Variants in SYT16 observed in about 807,000 individuals in gnomAD.
The protein encoded by SYT16 is synaptotagmin 16, also known as synaptotagmin-16.
A neutral mutation model predicts 61.4 loss-of-function variants in SYT16; 42 were observed. The observed-to-expected ratio is 0.68, with a 90% CI of 0.53 to 0.89. The LOEUF (loss-of-function observed/expected upper bound fraction) is 0.89, where lower values mean the gene tolerates loss of function less well. SYT16 is among the 40% of genes least tolerant of loss of function. SYT16 has a pLI of 0.00. For synonymous variants in SYT16, 314 were observed against 302.3 expected (o/e 1.04, Z -0.40); for missense variants, 804 against 807.3 (o/e 1.00, Z 0.05).
At chr14:61,914,217 A>G (rs1461646489) in intron 1 of SYT16, among the ~76,000 whole-genome samples, 3 of 152,162 alleles carry the variant, frequency 2.0e-5, no homozygotes, top group Non-Finnish European at 4.4e-5. Context: ...ACTCAGGACC[A>G]AGCAAAGTTT....
chr14:61,827,766 C>T (rs2045816325), intron 1 of SYT16, among the ~76,000 whole-genome samples: 1 of 152,068 alleles, frequency 6.6e-6, no homozygotes, highest in African/African-American at 2.4e-5. Context: ...ACATACTGAA[C>T]TTCTGTCTAC....
At chr14:61,910,653 C>T (rs765866509) in intron 1 of SYT16, among the ~76,000 whole-genome samples, 1 of 151,942 alleles carries the variant, frequency 6.6e-6, no homozygotes, top group East Asian at 1.9e-4. Context: ...CTCAGCCTCC[C>T]GAGTAGCTGG....
At chr14:62,015,749 C>G (rs1223140732) in intron 3 of SYT16, among the ~76,000 whole-genome samples, 4 of 152,170 alleles carry the variant, frequency 2.6e-5, no homozygotes, top group Non-Finnish European at 5.9e-5. Flanking sequence ...AGTTGGCCTT[C>G]ATGGGACACT....
At chr14:62,005,091 G>C (rs73262208) in intron 3 of SYT16, among the ~76,000 whole-genome samples, 3,801 of 152,240 alleles carry the variant, frequency 0.025, 168 homozygotes, top group African/African-American at 0.085. Context: ...GGCATGCCTT[G>C]TGAGAGTATT....
At chr14:61,847,300 A>T (rs2046473301) in intron 1 of SYT16, among the ~76,000 whole-genome samples, 1 of 152,118 alleles carries the variant, frequency 6.6e-6, no homozygotes, top group Admixed American at 6.6e-5. Flanking sequence ...TTTATCTTTG[A>T]AGGATATTTT....
At chr14:62,084,921 C>A (rs1202708644) in intron 7 of SYT16, among the ~76,000 whole-genome samples, 1 of 152,124 alleles carries the variant, frequency 6.6e-6, no homozygotes, top group Non-Finnish European at 1.5e-5. Flanking sequence ...CATTTAGTAC[C>A]ATGCCTATCA....
chr14:61,877,956 C>A (rs1338048902), intron 1 of SYT16, among the ~76,000 whole-genome samples: 7 of 152,194 alleles, frequency 4.6e-5, no homozygotes, highest in Admixed American at 1.3e-4. Flanking sequence ...CCCAGGCACA[C>A]AGGCACACAC....
chr14:61,812,597 G>C (rs1299613415), upstream of SYT16: 1 of 149,154 alleles, frequency 6.7e-6, no homozygotes, highest in Non-Finnish European at 1.5e-5. Context: ...CTCTCAGGAC[G>C]CCGGCGGCGG....
In SYT16 at chr14:62,108,489, G is replaced by A. The variant is rs930846236; in HGVS notation, c.*7782G>A. On this transcript the variant is annotated 3_prime_UTR_variant, in exon 8 of 8. Coordinates refer to ENST00000683842, the MANE Select transcript of SYT16 (RefSeq NM_001367656.1). Reference sequence around the variant, plus strand: ...TTATTTTAAGATAGTTGCATTCTAGGACCATGTTTCTTTTTTGAGAGTGTT... The same window carrying A: ...TTATTTTAAGATAGTTGCATTCTAGAACCATGTTTCTTTTTTGAGAGTGTT... 6 of 152,096 alleles carry A rather than the reference G, an allele frequency of 3.9e-5. No individual in the cohort carries two copies. Among genetic ancestry groups the A allele is most frequent in the Non-Finnish European group, 8.8e-5 (6 of 68,012 alleles). The allele number at this position is 152,096 out of a possible 1,614,324, so 9.4% of individuals were successfully genotyped here. A position where few individuals can be genotyped will look rare whatever the true frequency, so the allele number is the denominator to read the frequency against.
chr14:62,059,701 T>C (rs146275259), intron 3 of SYT16, among the ~76,000 whole-genome samples: 2,956 of 123,900 alleles, frequency 0.024, 50 homozygotes, highest in South Asian at 0.048. Flanking sequence ...TGTATATATA[T>C]ACATATAATT....
At chr14:61,877,357 AAC>A (rs1008410453) in intron 1 of SYT16, among the ~76,000 whole-genome samples, 1 of 152,162 alleles carries the variant, frequency 6.6e-6, no homozygotes, top group Non-Finnish European at 1.5e-5. Flanking sequence ...GGGAGGCAGA[AAC>A]ACAGATCTTT....
intron 3 of SYT16, among the ~76,000 whole-genome samples, chr14:62,052,639 C>T (rs1242262399): frequency 1.3e-5 from 2 of 152,166 alleles, no homozygotes; most frequent in Admixed American, 6.5e-5. Flanking sequence ...TTTCTTAAAA[C>T]CATAATCCTG....
Position 61,995,889 on chromosome 14 carries a change from G to C in SYT16, c.-131G>C. 1.1e-6 allele frequency: 1 copy of C among 906,976 alleles called. No individual in the cohort carries two copies. Among genetic ancestry groups the C allele is most frequent in the South Asian group, 2.3e-5 (1 of 42,650 alleles). 56.2% of individuals were successfully genotyped at this position (906,976 alleles called of 1,614,324 possible). A position where few individuals can be genotyped will look rare whatever the true frequency, so the allele number is the denominator to read the frequency against. On this transcript the variant is annotated 5_prime_UTR_variant, in exon 3 of 8. Transcript: ENST00000683842. ...CCTCTGTTTCAGCTGGAAGTTTTGAGAGTGAAATATTCACAGCCATTAAGA... is the reference window on the plus strand; with the variant it reads ...CCTCTGTTTCAGCTGGAAGTTTTGACAGTGAAATATTCACAGCCATTAAGA...
At chr14:62,093,115 A>G (rs2057147493) in intron 7 of SYT16, among the ~76,000 whole-genome samples, 1 of 152,104 alleles carries the variant, frequency 6.6e-6, no homozygotes, top group African/African-American at 2.4e-5. Flanking sequence ...TTTTGTTAAG[A>G]AACTAAAACA....
At chr14:61,845,809 G>C (rs1452017905) in intron 1 of SYT16, among the ~76,000 whole-genome samples, 1 of 152,058 alleles carries the variant, frequency 6.6e-6, no homozygotes, top group African/African-American at 2.4e-5. Context: ...GGCACTTATA[G>C]CTATAAACTT....
At chr14:61,928,916 A>G (rs1358004597) in intron 1 of SYT16, among the ~76,000 whole-genome samples, 1 of 152,224 alleles carries the variant, frequency 6.6e-6, no homozygotes, top group Non-Finnish European at 1.5e-5. Context: ...TAGTAGGCAC[A>G]AGCCTGACAC....
intron 3 of SYT16, among the ~76,000 whole-genome samples, chr14:62,018,076 C>T (rs1328727665): frequency 3.3e-5 from 5 of 152,022 alleles, no homozygotes; most frequent in Admixed American, 6.6e-5. Context: ...GGTCTGTTTT[C>T]GACATAGTGC....
At chr14:62,093,649 C>G (rs543454627) in intron 7 of SYT16, among the ~76,000 whole-genome samples, 1 of 152,226 alleles carries the variant, frequency 6.6e-6, no homozygotes, top group East Asian at 1.9e-4. Flanking sequence ...ACCATATTAA[C>G]TGGCTTACGA....
chr14:61,996,298 T>C lies in SYT16; in HGVS notation c.279T>C (p.Cys93=). The C allele has an allele frequency of 6.2e-7, 1 of 1,613,554 alleles. No individual in the cohort carries two copies. Among genetic ancestry groups the C allele is most frequent in the Non-Finnish European group, 8.5e-7 (1 of 1,179,620 alleles). ...TTCTTGAAGTGGATCATTTCTCATG[T>C]TGTAATAGTGATTTGCAGGACTCTG... ...SLFLEVDHFS[C]CNSDLQDSAQ... is the part of the protein sequence containing the mutation. Residue 93 remains cysteine (C), a synonymous_variant, in exon 3 of 8, where the codon TGT becomes TGC. Transcript: ENST00000683842.
Sources: allele counts gnomAD v4.1 joint callset (sites outside exome capture counted in the v4.1 genomes callset), GRCh38; gene constraint gnomAD v4.1.1; transcripts MANE v1.5; gene names NCBI Gene and HGNC (gene_info 2026-07-23, HGNC 2026-07-21).